Variants in TAFA4 observed in about 807,000 individuals in gnomAD.
The protein encoded by TAFA4 is chemokine-like protein TAFA-4.
TAFA4 carries 20 observed loss-of-function variants against 21.1 expected under a neutral mutation model. The ratio of observed to expected loss-of-function variants is 0.95; its 90% confidence interval spans 0.67 to 1.38. The LOEUF is 1.38. TAFA4 is among the 40% of genes most tolerant of loss of function. The pLI is 0.00. For missense variants in TAFA4, 211 were observed against 180.9 expected (o/e 1.17, Z -0.95); for synonymous variants, 71 against 67.4 (o/e 1.05, Z -0.26).
chr3:68,818,365 A>C (rs1411663410), intron 3 of TAFA4, among the ~76,000 whole-genome samples: 1 of 152,206 alleles, frequency 6.6e-6, no homozygotes, highest in Non-Finnish European at 1.5e-5. Flanking sequence ...CCATATCTTC[A>C]ATAAGGCTGT....
At chr3:68,918,549 T>C (rs1317195645) in intron 1 of TAFA4, among the ~76,000 whole-genome samples, 2 of 152,220 alleles carry the variant, frequency 1.3e-5, no homozygotes, top group African/African-American at 4.8e-5. Flanking sequence ...TTGATTTTTA[T>C]TTGCTCGAGA....
intron 3 of TAFA4, among the ~76,000 whole-genome samples, chr3:68,805,210 T>C (rs1215818667): frequency 3.3e-5 from 5 of 152,130 alleles, no homozygotes; most frequent in Admixed American, 2.6e-4. Context: ...AAAATGCTCA[T>C]CATCACTGGC....
intron 3 of TAFA4, among the ~76,000 whole-genome samples, chr3:68,761,066 T>C (rs1348426710): frequency 2.6e-5 from 4 of 152,210 alleles, no homozygotes; most frequent in Admixed American, 2.6e-4. Flanking sequence ...GACAGGGTAT[T>C]GAACTTAAGA....
chr3:68,862,644 T>A (rs528632603), intron 3 of TAFA4, among the ~76,000 whole-genome samples: 1 of 152,194 alleles, frequency 6.6e-6, no homozygotes, highest in Admixed American at 6.6e-5. Context: ...TGCCACCTTC[T>A]GAGCTATCAA....
Position 68,885,278 on chromosome 3 carries a change from G to A in TAFA4, c.-90C>T, listed in dbSNP as rs1486253817. 1.4e-5 allele frequency: 19 copies of A among 1,311,522 alleles called. No homozygotes were observed. Among genetic ancestry groups the A allele is most frequent in the Admixed American group, 2.2e-5 (1 of 45,640 alleles). 81.2% of individuals were successfully genotyped at this position (1,311,522 alleles called of 1,614,324 possible). A position where few individuals can be genotyped will look rare whatever the true frequency, so the allele number is the denominator to read the frequency against. On this transcript the variant is annotated 5_prime_UTR_variant, in exon 2 of 6. Coordinates refer to ENST00000295569, the MANE Select transcript of TAFA4 (RefSeq NM_182522.5). The stretch of plus-strand genomic sequence containing the variant: ...TCTGTTGCTAGAACCAATCATTTCT[G>A]CCGTTCCAAAAAATTATCGTAGCTC...
chr3:68,733,265 A>T, intron 5 of TAFA4, 112 bp from the exon 6 acceptor site: 1 of 1,361,416 alleles, frequency 7.3e-7, no homozygotes, highest in Non-Finnish European at 1.0e-6. Flanking sequence ...CAGTTTGTAC[A>T]TTTACCTATA....
chr3:68,907,066 G>T (rs1454090857), intron 1 of TAFA4, among the ~76,000 whole-genome samples: 1 of 149,284 alleles, frequency 6.7e-6, no homozygotes, highest in East Asian at 1.9e-4. Flanking sequence ...AGCCAGGGGT[G>T]GAAGGGGAGA....
intron 3 of TAFA4, among the ~76,000 whole-genome samples, chr3:68,838,514 C>T (rs1195709822): frequency 6.6e-6 from 1 of 152,098 alleles, no homozygotes. Flanking sequence ...ACAAGTATTT[C>T]GTGAGAACCT....
At chr3:68,790,315 T>C (rs994957639) in intron 3 of TAFA4, among the ~76,000 whole-genome samples, 2 of 151,496 alleles carry the variant, frequency 1.3e-5, no homozygotes, top group South Asian at 2.1e-4. Flanking sequence ...AATAAATAAA[T>C]TGAAATGAAA....
At chr3:68,875,243 T>A (rs1483892862) in intron 3 of TAFA4, among the ~76,000 whole-genome samples, 6 of 151,712 alleles carry the variant, frequency 4.0e-5, no homozygotes, top group Non-Finnish European at 8.8e-5. Flanking sequence ...TTTTTTTTTT[T>A]AACTTCTGAA....
chr3:68,902,474 C>A (rs531185798), intron 1 of TAFA4, among the ~76,000 whole-genome samples: 1 of 152,004 alleles, frequency 6.6e-6, no homozygotes, highest in African/African-American at 2.4e-5. Context: ...ACCAAGTGAT[C>A]CTCCCACCTC....
intron 3 of TAFA4, among the ~76,000 whole-genome samples, chr3:68,769,816 G>A (rs960202135): frequency 6.6e-6 from 1 of 152,134 alleles, no homozygotes; most frequent in African/African-American, 2.4e-5. Flanking sequence ...CTCTTAGGCT[G>A]TAAGCTCTAT....
At chr3:68,772,838 A>C (rs2106785065) in intron 3 of TAFA4, among the ~76,000 whole-genome samples, 1 of 152,144 alleles carries the variant, frequency 6.6e-6, no homozygotes, top group East Asian at 1.9e-4. Context: ...CCTCTCATCC[A>C]TCCATCCATC....
At chr3:68,823,777 T>A (rs1233352167) in intron 3 of TAFA4, among the ~76,000 whole-genome samples, 1 of 152,216 alleles carries the variant, frequency 6.6e-6, no homozygotes, top group Non-Finnish European at 1.5e-5. Context: ...ACAAAGGACA[T>A]TATCTTATTC....
At chr3:68,837,909 A>G (rs1210669216) in intron 3 of TAFA4, among the ~76,000 whole-genome samples, 4 of 152,052 alleles carry the variant, frequency 2.6e-5, no homozygotes, top group Non-Finnish European at 5.9e-5. Flanking sequence ...AAATTCAACT[A>G]TATCTATGGT....
rs141625965 is a variant in TAFA4, at chr3:68,907,722, G to T, written c.-122-22412C>A. Among the ~76,000 whole-genome samples, 718 of 152,270 alleles carry T rather than the reference G, an allele frequency of 4.7e-3. 8 individuals are homozygous for T. The highest frequency in any genetic ancestry group is 0.016 in the African/African-American group (669 of 41,538). On this transcript the variant is annotated intron_variant, in intron 1 of 5. Coordinates refer to ENST00000295569, the MANE Select transcript of TAFA4 (RefSeq NM_182522.5). ...TAAGTCTGAGGCTCCTGGCCCTGATGAATTAAAGCCCAGGCTACTCATGGC... is the reference window on the plus strand; with the variant it reads ...TAAGTCTGAGGCTCCTGGCCCTGATTAATTAAAGCCCAGGCTACTCATGGC...
intron 2 of TAFA4, among the ~76,000 whole-genome samples, chr3:68,881,572 G>C (rs1037891265): frequency 6.6e-6 from 1 of 152,154 alleles, no homozygotes; most frequent in African/African-American, 2.4e-5. Context: ...TAAGTAGATA[G>C]AACTCGATTA....
At chr3:68,841,096 G>A (rs1190947949) in intron 3 of TAFA4, among the ~76,000 whole-genome samples, 1 of 73,150 alleles carries the variant, frequency 1.4e-5, no homozygotes, top group African/African-American at 4.3e-5. Context: ...GGCCGAGGCG[G>A]GCGGATCACG....
chr3:68,791,201 A>AG (rs2106813098), intron 3 of TAFA4, among the ~76,000 whole-genome samples: 1 of 152,380 alleles, frequency 6.6e-6, no homozygotes, highest in South Asian at 2.1e-4. Context: ...GATATGTTTA[A>AG]GTCCTAATCC....
Sources: gnomAD v4.1 joint callset for allele counts (sites outside exome capture counted in the v4.1 genomes callset) on GRCh38, gnomAD v4.1.1 for gene constraint, MANE v1.5 for transcripts, NCBI Gene and HGNC (gene_info 2026-07-23, HGNC 2026-07-21) for gene names.